The following LUZP2 variants were observed in gnomAD, a reference collection of about 807,000 sequenced individuals.
The protein encoded by LUZP2 is leucine zipper protein 2.
A neutral mutation model predicts 51.6 loss-of-function variants in LUZP2; 52 were observed. That is an observed-to-expected ratio of 1.01 (90% CI 0.81 to 1.27). The LOEUF (loss-of-function observed/expected upper bound fraction) is 1.27. Ranked by LOEUF, LUZP2 falls within the 50% of genes most tolerant of loss-of-function variation. The pLI is 0.00. For synonymous variants in LUZP2, 154 were observed against 137.3 expected, an observed-to-expected ratio of 1.12 and a Z score of -0.85; for missense variants, 436 against 395.4, an observed-to-expected ratio of 1.10 and a Z score of -0.87.
At chr11:24,790,721 C>G (rs77767207) in intron 5 of LUZP2, among the ~76,000 whole-genome samples, 2,893 of 152,148 alleles carry the variant, frequency 0.019, 94 homozygotes, top group African/African-American at 0.066. Flanking sequence ...AGGTTAGTCT[C>G]GTACTCCTGA....
intron 5 of LUZP2, among the ~76,000 whole-genome samples, chr11:24,857,817 T>A (rs1411013610): frequency 1.3e-5 from 2 of 152,082 alleles, no homozygotes; most frequent in Non-Finnish European, 2.9e-5. Flanking sequence ...TGACATTTTT[T>A]AAGCTAAGGT....
chr11:25,026,025 A>T (rs1857480558), intron 9 of LUZP2, among the ~76,000 whole-genome samples: 1 of 151,964 alleles, frequency 6.6e-6, no homozygotes, highest in South Asian at 2.1e-4. Flanking sequence ...CGTCATTCTG[A>T]CCAAACTATT....
chr11:24,528,934 G>T (rs1462430979), intron 1 of LUZP2, among the ~76,000 whole-genome samples: 1 of 151,012 alleles, frequency 6.6e-6, no homozygotes, highest in Non-Finnish European at 1.5e-5. Context: ...ACACATAGTA[G>T]GTGATCAGAT....
At chr11:24,744,160 G>A (rs1254027735) in intron 4 of LUZP2, among the ~76,000 whole-genome samples, 1 of 151,964 alleles carries the variant, frequency 6.6e-6, no homozygotes, top group African/African-American at 2.4e-5. Flanking sequence ...GAAGGATATT[G>A]GTCTGTAGTT....
At chr11:24,995,790 C>T (rs930168960) in intron 9 of LUZP2, among the ~76,000 whole-genome samples, 2 of 151,904 alleles carry the variant, frequency 1.3e-5, no homozygotes, top group East Asian at 1.9e-4. Context: ...ATTCAATTCA[C>T]AATTGAAAGG....
At chr11:24,907,913 T>C (rs1436784145) in intron 6 of LUZP2, among the ~76,000 whole-genome samples, 2 of 152,328 alleles carry the variant, frequency 1.3e-5, no homozygotes, top group South Asian at 2.1e-4. Context: ...ATGCCTACTA[T>C]TGAAATGTAT....
chr11:24,800,744 C>T (rs1849673646), intron 5 of LUZP2, among the ~76,000 whole-genome samples: 1 of 152,138 alleles, frequency 6.6e-6, no homozygotes, highest in Middle Eastern at 3.4e-3. Context: ...GTAAATTTTA[C>T]TATAAGCCCC....
chr11:24,536,311 C>G (rs1851176174), intron 1 of LUZP2, among the ~76,000 whole-genome samples: 1 of 151,814 alleles, frequency 6.6e-6, no homozygotes, highest in Non-Finnish European at 1.5e-5. Context: ...TGAAACCAAG[C>G]ATTGATTTCT....
intron 5 of LUZP2, among the ~76,000 whole-genome samples, chr11:24,810,712 C>G (rs1849993669): frequency 3.3e-5 from 5 of 152,110 alleles, no homozygotes; most frequent in Admixed American, 3.3e-4. Context: ...CTGTCAAGAA[C>G]AGAGTTATAA....
intron 1 of LUZP2, among the ~76,000 whole-genome samples, chr11:24,706,104 T>C (rs2133920374): frequency 6.6e-6 from 1 of 152,210 alleles, no homozygotes; most frequent in South Asian, 2.1e-4. Context: ...CTTTCCCATA[T>C]CAAGGAAGGA....
At chr11:25,069,335 T>TA (rs1416150674) in intron 10 of LUZP2, among the ~76,000 whole-genome samples, 7 of 152,050 alleles carry the variant, frequency 4.6e-5, no homozygotes, top group African/African-American at 1.7e-4. Flanking sequence ...TCCTCATTTA[T>TA]AAAAAAGATA....
intron 1 of LUZP2, among the ~76,000 whole-genome samples, chr11:24,563,183 C>G (rs1852109614): frequency 6.6e-6 from 1 of 152,094 alleles, no homozygotes; most frequent in South Asian, 2.1e-4. Flanking sequence ...ACAATTTCCT[C>G]TATTTGAAAC....
chr11:24,941,006 CCTCTTTTTCATTTTG>C (rs1399885177), intron 7 of LUZP2, among the ~76,000 whole-genome samples: 1 of 151,962 alleles, frequency 6.6e-6, no homozygotes, highest in Non-Finnish European at 1.5e-5. Flanking sequence ...AGTATTTTTC[CCTCTTTTTCATTTTG>C]CTCTTAGGCA....
intron 1 of LUZP2, among the ~76,000 whole-genome samples, chr11:24,537,015 C>G (rs1052135674): frequency 1.3e-5 from 2 of 151,754 alleles, no homozygotes; most frequent in East Asian, 1.9e-4. Flanking sequence ...GCTAGTTGGT[C>G]GAGCAGTCAG....
intron 5 of LUZP2, among the ~76,000 whole-genome samples, chr11:24,846,210 GA>G (rs1476730888): frequency 6.6e-6 from 1 of 150,914 alleles, no homozygotes; most frequent in East Asian, 1.9e-4. Context: ...AAGCCAACAA[GA>G]AAAAAAATCA....
At chr11:24,727,915 G>T (rs978795268) in intron 1 of LUZP2, among the ~76,000 whole-genome samples, 4 of 151,800 alleles carry the variant, frequency 2.6e-5, no homozygotes, top group Non-Finnish European at 5.9e-5. Flanking sequence ...CATCACTAAG[G>T]CCATTAGGAG....
intron 1 of LUZP2, among the ~76,000 whole-genome samples, chr11:24,683,840 T>C (rs1856819841): frequency 6.6e-6 from 1 of 152,160 alleles, no homozygotes; most frequent in Non-Finnish European, 1.5e-5. Context: ...TTCATGCTGT[T>C]TGTCTGAAGG....
At chr11:24,999,748 C>G (rs1179791397) in intron 9 of LUZP2, among the ~76,000 whole-genome samples, 1 of 152,130 alleles carries the variant, frequency 6.6e-6, no homozygotes, top group Non-Finnish European at 1.5e-5. Context: ...AAACTCACAA[C>G]CTTGTTAATT....
intron 1 of LUZP2, among the ~76,000 whole-genome samples, chr11:24,506,140 A>C (rs2133763239): frequency 6.6e-6 from 1 of 152,272 alleles, no homozygotes; most frequent in South Asian, 2.1e-4. Flanking sequence ...AGAATGGTCC[A>C]GAAGAGGGAC....
Sources: gnomAD v4.1 joint callset for allele counts (sites outside exome capture counted in the v4.1 genomes callset) on GRCh38, gnomAD v4.1.1 for gene constraint, MANE v1.5 for transcripts, NCBI Gene and HGNC (gene_info 2026-07-23, HGNC 2026-07-21) for gene names.